ALG1: variants seen among roughly 807,000 people sequenced by gnomAD.
ALG1 encodes the protein ALG1 chitobiosyldiphosphodolichol beta-mannosyltransferase, also known as chitobiosyldiphosphodolichol beta-mannosyltransferase.
ALG1 carries 58 observed loss-of-function variants against 55.1 expected under a neutral mutation model. The ratio of observed to expected loss-of-function variants is 1.05; its 90% confidence interval spans 0.85 to 1.31. The LOEUF is 1.31. Ranked by LOEUF, ALG1 falls within the 50% of genes most tolerant of loss-of-function variation. The pLI, the probability that ALG1 is intolerant of heterozygous loss-of-function variation, is 0.00. For synonymous variants in ALG1, 309 were observed against 247.0 expected (o/e 1.25, Z -2.35); for missense variants, 761 against 598.6 (o/e 1.27, Z -2.83).
Position 5,079,050 on chromosome 16 carries a change from T to C in ALG1, c.863-14T>C, listed in dbSNP as rs780024263. The C allele has an allele frequency of 8.1e-6, 13 of 1,602,828 alleles. No homozygotes were observed. Among genetic ancestry groups the C allele is most frequent in the Non-Finnish European group, 1.0e-5 (12 of 1,179,638 alleles). Reference sequence around the variant, plus strand: ...CTAGAAACAGGCCCCTGACATTCAATTCTCTTCTCATAGAGGACGAAGACT... The same window carrying C: ...CTAGAAACAGGCCCCTGACATTCAACTCTCTTCTCATAGAGGACGAAGACT... On this transcript the variant is annotated splice_polypyrimidine_tract_variant and intron_variant, in intron 7 of 12. Coordinates refer to ENST00000262374, the MANE Select transcript of ALG1 (RefSeq NM_019109.5).
At chr16:5,073,822 C>A (rs955609161) in intron 3 of ALG1, among the ~76,000 whole-genome samples, 2 of 151,960 alleles carry the variant, frequency 1.3e-5, no homozygotes, top group African/African-American at 4.8e-5. Context: ...TCAAGTGATT[C>A]TCCTGCCTCA....
chr16:5,084,857 G>T lies in ALG1; in HGVS notation c.1371G>T (p.Val457=). 6.3e-7 allele frequency: 1 copy of T among 1,596,396 alleles called. No individual in the cohort carries two copies. Among genetic ancestry groups the T allele is most frequent in the Non-Finnish European group, 8.5e-7 (1 of 1,179,768 alleles). ...LRWDESWVQT[V]LPLVMDT ...GGGATGAGAGCTGGGTGCAGACTGT[G>T]CTCCCTTTGGTTATGGACACATAAC... Residue 457 remains valine, a synonymous_variant, in exon 13 of 13, where the codon GTG becomes GTT. Transcript: ENST00000262374.
rs1411301606 is a variant in ALG1, at chr16:5,078,033, T to A, written c.740+16T>A. The A allele has an allele frequency of 6.3e-7, 1 of 1,596,844 alleles. No individual in the cohort carries two copies. Among genetic ancestry groups the A allele is most frequent in the African/African-American group, 1.3e-5 (1 of 74,840 alleles). On this transcript the variant is annotated intron_variant, in intron 6 of 12. Coordinates refer to ENST00000262374, the MANE Select transcript of ALG1 (RefSeq NM_019109.5). ...TCAGGGCCCGGTAGGCCTCCCATCC[T>A]CAGCTGCCTTCTCTCCTGCTCGCCA...
At chr16:5,084,092 C>A (rs1435107449) in intron 12 of ALG1, among the ~76,000 whole-genome samples, 2 of 152,186 alleles carry the variant, frequency 1.3e-5, no homozygotes, top group African/African-American at 4.8e-5. Context: ...TGGGACCAGC[C>A]TTGAAAGATG....
chr16:5,076,172 A>G (rs1956909803), intron 4 of ALG1, among the ~76,000 whole-genome samples: 1 of 152,102 alleles, frequency 6.6e-6, no homozygotes, highest in South Asian at 2.1e-4. Flanking sequence ...CAACTATAAC[A>G]TCTCTGTTAT....
intron 4 of ALG1, among the ~76,000 whole-genome samples, chr16:5,076,628 G>A (rs1354062384): frequency 6.6e-6 from 1 of 152,158 alleles, no homozygotes; most frequent in East Asian, 1.9e-4. Flanking sequence ...GCCGTGTTCC[G>A]GCTCTACCCT....
chr16:5,085,707 C>G lies in ALG1; in HGVS notation c.*826C>G. 6.2e-7 allele frequency: 1 copy of G among 1,611,842 alleles called. No individual in the cohort carries two copies. The highest frequency in any genetic ancestry group is 8.5e-7 in the Non-Finnish European group (1 of 1,179,754). ...ACAGTTTCTGCTCATGACGAGGTTC[C>G]ACTTCCCATCTGATCCCGGCCCGGC... On this transcript the variant is annotated 3_prime_UTR_variant, in exon 13 of 13. Transcript: ENST00000262374.
chr16:5,083,875 A>C, intron 12 of ALG1, 118 bp downstream of exon 12: 2 of 1,480,388 alleles, frequency 1.4e-6, no homozygotes, highest in Non-Finnish European at 1.8e-6. Flanking sequence ...CTGGCGGAAA[A>C]GCTAGGGAGG....
intron 11 of ALG1, among the ~76,000 whole-genome samples, chr16:5,083,089 C>T (rs778396779): frequency 9.2e-5 from 14 of 152,198 alleles, no homozygotes; most frequent in Non-Finnish European, 1.6e-4. Context: ...GCCAAGCTCA[C>T]ATGGTCGGTT....
At chr16:5,073,088 G>T in intron 2 of ALG1, 60 bp downstream of exon 2, 1 of 1,612,042 alleles carries the variant, frequency 6.2e-7, no homozygotes, top group Non-Finnish European at 8.5e-7. Context: ...GGGGGTGTTC[G>T]TTTGAAAAGC....
intron 11 of ALG1, among the ~76,000 whole-genome samples, chr16:5,082,992 G>C (rs1957042441): frequency 6.6e-6 from 1 of 152,208 alleles, no homozygotes; most frequent in Non-Finnish European, 1.5e-5. Context: ...TCCACTCGGG[G>C]CTTTTGCTCC....
At chr16:5,084,723 TA>T (rs1957088035) in intron 12 of ALG1, 26 bp from the exon 13 acceptor site, 1 of 1,596,282 alleles carries the variant, frequency 6.3e-7, no homozygotes, top group Non-Finnish European at 8.5e-7. Flanking sequence ...GGCAATGAGG[TA>T]AGCTCTGCTC....
chr16:5,084,566 A>G (rs531888224), intron 12 of ALG1, 184 bp from the exon 13 acceptor site: 7 of 979,400 alleles, frequency 7.1e-6, no homozygotes, highest in Non-Finnish European at 7.6e-6. Context: ...AAGTTTCCAG[A>G]AACTGTGATG....
At chr16:5,077,708 C>T (rs866375629) in intron 5 of ALG1, among the ~76,000 whole-genome samples, 174 bp downstream of exon 5, 9 of 152,164 alleles carry the variant, frequency 5.9e-5, no homozygotes, top group African/African-American at 2.2e-4. Context: ...GAGTTTCTTT[C>T]TTAGCCAGCC....
chr16:5,086,161 T>C lies in ALG1; in HGVS notation c.*1280T>C, dbSNP rs1596267537. On this transcript the variant is annotated 3_prime_UTR_variant, in exon 13 of 13. Coordinates refer to ENST00000262374, the MANE Select transcript of ALG1 (RefSeq NM_019109.5). The stretch of plus-strand genomic sequence containing the variant: ...GACCAGCCTGGCCAACATGGTGAAA[T>C]CCCATCTCTACAAAAATACAGAAAT... 6.6e-6 allele frequency among the ~76,000 whole-genome samples: 1 copy of C among 152,032 alleles called. No homozygotes were observed. The highest frequency in any genetic ancestry group is 1.9e-4 in the East Asian group (1 of 5,136).
chr16:5,076,501 A>C (rs1472552053), intron 4 of ALG1, among the ~76,000 whole-genome samples: 1 of 152,228 alleles, frequency 6.6e-6, no homozygotes, highest in Non-Finnish European at 1.5e-5. Context: ...CTCTTGCCAC[A>C]CAGCTAAGTG....
intron 12 of ALG1, chr16:5,084,470 G>C (rs1468396403): frequency 1.7e-6 from 1 of 582,954 alleles, no homozygotes; most frequent in Non-Finnish European, 3.0e-6. Context: ...GAGGCCGAGA[G>C]GAGGGTGCTC....
rs28661796 is a variant in ALG1 at position 5,084,598 on chromosome 16, G to C, written c.1264-152G>C. On this transcript the variant is annotated intron_variant, in intron 12 of 12. Coordinates refer to ENST00000262374, the MANE Select transcript of ALG1 (RefSeq NM_019109.5). Reference sequence around the variant, plus strand: ...GATGTCAAGTTGGAGGCGGAGTGCTGCTGGGGTGTGAAGGGTCTCGAGTCC... The same window carrying C: ...GATGTCAAGTTGGAGGCGGAGTGCTCCTGGGGTGTGAAGGGTCTCGAGTCC... The C allele has an allele frequency of 1.2e-3, 1,398 of 1,203,186 alleles. 14 individuals are homozygous for C. In the African/African-American group the frequency reaches 0.019, roughly 16 times the overall value. The allele number at this position is 1,203,186 out of a possible 1,614,324, so 74.5% of individuals were successfully genotyped here. A position where few individuals can be genotyped will look rare whatever the true frequency, so the allele number is the denominator to read the frequency against.
At chr16:5,082,414 G>C in intron 10 of ALG1, 145 bp from the exon 11 acceptor site, 1 of 823,944 alleles carries the variant, frequency 1.2e-6, no homozygotes, top group South Asian at 1.5e-5. Context: ...TGGCTGCTTG[G>C]CCAGCTTAAG....
Sources: allele counts gnomAD v4.1 joint callset (sites outside exome capture counted in the v4.1 genomes callset), GRCh38; gene constraint gnomAD v4.1.1; transcripts MANE v1.5; gene names NCBI Gene and HGNC (gene_info 2026-07-23, HGNC 2026-07-21).